Variants in VPS53 observed in about 807,000 individuals in gnomAD.
VPS53 encodes the protein VPS53 subunit of GARP complex, also known as vacuolar protein sorting-associated protein 53 homolog.
In VPS53, 70 loss-of-function variants were observed where a neutral mutation model predicts 107.0. That is an observed-to-expected ratio of 0.65 (90% CI 0.54 to 0.80). VPS53 has a LOEUF of 0.80. VPS53 is among the 30% of genes least tolerant of loss of function. VPS53 has a pLI of 0.00. For synonymous variants in VPS53, 409 were observed against 393.3 expected (o/e 1.04, Z -0.47); for missense variants, 917 against 1,049.4 (o/e 0.87, Z 1.74).
chr17:684,058 A>C (rs554406058), intron 4 of VPS53, among the ~76,000 whole-genome samples: 1 of 152,360 alleles, frequency 6.6e-6, no homozygotes, highest in South Asian at 2.1e-4. Context: ...ATACAATGTC[A>C]TCACTGTGAC....
chr17:672,034 T>C (rs1269514851), intron 4 of VPS53, among the ~76,000 whole-genome samples: 1 of 148,770 alleles, frequency 6.7e-6, no homozygotes, highest in Non-Finnish European at 1.5e-5. Flanking sequence ...TCCCAAGAAG[T>C]GAAACTGAGT....
chr17:630,352 G>A (rs1969903776), intron 8 of VPS53, among the ~76,000 whole-genome samples: 1 of 151,536 alleles, frequency 6.6e-6, no homozygotes, highest in South Asian at 2.1e-4. Flanking sequence ...GTACACGTGA[G>A]GCTAACCTTG....
chr17:544,007 G>GAGGA (rs1910960442), intron 17 of VPS53, among the ~76,000 whole-genome samples: 1 of 97,128 alleles, frequency 1.0e-5, no homozygotes, highest in South Asian at 4.2e-4. Context: ...GGGAGGGAGG[G>GAGGA]AGGGAGTGAG....
At chr17:556,915 AG>A (rs200726784) in intron 15 of VPS53, among the ~76,000 whole-genome samples, 1,547 of 141,762 alleles carry the variant, frequency 0.011, 14 homozygotes, top group Non-Finnish European at 0.015. Context: ...TCTCTGCTGA[AG>A]GGGGGTGGCC....
At chr17:620,639 A>G (rs1386163856) in intron 11 of VPS53, among the ~76,000 whole-genome samples, 2 of 152,118 alleles carry the variant, frequency 1.3e-5, no homozygotes. Flanking sequence ...GTGGATGTTC[A>G]AAGCATGACA....
chr17:636,464 A>G (rs1411314333), intron 7 of VPS53, among the ~76,000 whole-genome samples: 2 of 152,142 alleles, frequency 1.3e-5, no homozygotes, highest in African/African-American at 2.4e-5. Context: ...TTGAATAGGA[A>G]TGGTGAAAGA....
chr17:599,779 A>T (rs1172942903), intron 12 of VPS53, among the ~76,000 whole-genome samples: 1 of 146,584 alleles, frequency 6.8e-6, no homozygotes, highest in African/African-American at 2.6e-5. Flanking sequence ...AAAAAAACAA[A>T]AACAAAATGA....
chr17:700,388 CAA>C (rs879305004), intron 2 of VPS53, among the ~76,000 whole-genome samples: 2 of 139,002 alleles, frequency 1.4e-5, no homozygotes, highest in Non-Finnish European at 1.6e-5. Context: ...ACTAAAAATA[CAA>C]AAAAAAAAAA....
chr17:687,011 G>A (rs1374140991), intron 4 of VPS53, among the ~76,000 whole-genome samples: 11 of 152,128 alleles, frequency 7.2e-5, no homozygotes, highest in African/African-American at 1.2e-4. Context: ...TTAGCTGGGC[G>A]CAGTGGCTCA....
At chr17:553,784 G>A (rs9900228) in intron 15 of VPS53, among the ~76,000 whole-genome samples, 9,322 of 151,974 alleles carry the variant, frequency 0.061, 906 homozygotes, top group African/African-American at 0.21. Context: ...TGGTCAGGCC[G>A]GTCTCAAACT....
At chr17:547,562 T>G (rs538072236) in intron 17 of VPS53, among the ~76,000 whole-genome samples, 1 of 152,308 alleles carries the variant, frequency 6.6e-6, no homozygotes, top group East Asian at 1.9e-4. Context: ...TTTGGGGTAA[T>G]GAAGATGTTC....
chr17:605,639 A>G (rs1273104115), intron 11 of VPS53, among the ~76,000 whole-genome samples: 1 of 131,058 alleles, frequency 7.6e-6, no homozygotes, highest in East Asian at 2.5e-4. Context: ...GAGTCCCATC[A>G]TATTGGTGAG....
intron 7 of VPS53, among the ~76,000 whole-genome samples, chr17:643,729 TGAGGACAACACTCATACTTGGAAAGC>T (rs1970556583): frequency 2.5e-5 from 3 of 118,766 alleles, no homozygotes; most frequent in East Asian, 2.7e-4. Flanking sequence ...ACTTGGAAAG[TGAGGACAACACTCATACTTGGAAAGC>T]GAGGACAACA....
chr17:671,914 C>T (rs1971962810), intron 4 of VPS53, among the ~76,000 whole-genome samples: 2 of 152,078 alleles, frequency 1.3e-5, no homozygotes, highest in African/African-American at 4.8e-5. Context: ...GTCTCCATCT[C>T]CTGACCTCAT....
At chr17:689,717 G>A (rs545839635) in intron 4 of VPS53, among the ~76,000 whole-genome samples, 2 of 152,086 alleles carry the variant, frequency 1.3e-5, no homozygotes, top group South Asian at 2.1e-4. Flanking sequence ...CAGGCGATCC[G>A]CCCACCTCCG....
intron 19 of VPS53, among the ~76,000 whole-genome samples, chr17:531,173 C>A (rs1270827203): frequency 6.6e-6 from 1 of 152,190 alleles, no homozygotes; most frequent in Non-Finnish European, 1.5e-5. Flanking sequence ...GACATCAGGG[C>A]AAGTACAGGC....
intron 4 of VPS53, among the ~76,000 whole-genome samples, chr17:689,835 C>T (rs1972718220): frequency 1.3e-5 from 2 of 152,156 alleles, no homozygotes; most frequent in Non-Finnish European, 2.9e-5. Context: ...AAGCAAGGAA[C>T]ACTTTCTCCT....
chr17:680,585 C>T (rs746163416), intron 4 of VPS53, among the ~76,000 whole-genome samples: 5 of 152,172 alleles, frequency 3.3e-5, no homozygotes, highest in African/African-American at 4.8e-5. Flanking sequence ...TAAAATCCAA[C>T]GTCTATTTTC....
chr17:656,885 C>T (rs373808568), intron 5 of VPS53: 16 of 1,559,970 alleles, frequency 1.0e-5, no homozygotes, highest in African/African-American at 5.5e-5. Context: ...AGAAATCCAT[C>T]GTTTGTTGCC....
Sources: gnomAD v4.1 joint callset for allele counts (sites outside exome capture counted in the v4.1 genomes callset) on GRCh38, gnomAD v4.1.1 for gene constraint, MANE v1.5 for transcripts, NCBI Gene and HGNC (gene_info 2026-07-23, HGNC 2026-07-21) for gene names.